Variants in CEP41 observed in about 807,000 individuals in gnomAD.
CEP41 encodes centrosomal protein of 41 kDa.
Under a neutral mutation model 44.3 loss-of-function variants are expected in CEP41, and 32 were observed. The ratio of observed to expected loss-of-function variants is 0.72; its 90% CI spans 0.54 to 0.97. The LOEUF (loss-of-function observed/expected upper bound fraction) is 0.97, where lower values mean the gene tolerates loss of function less well. Ranked by LOEUF, CEP41 falls within the 50% of genes least tolerant of loss-of-function variation. CEP41 has a pLI of 0.00. For missense variants in CEP41, 432 were observed against 455.2 expected, an observed-to-expected ratio of 0.95 and a Z score of 0.46; for synonymous variants, 151 against 168.5, an observed-to-expected ratio of 0.90 and a Z score of 0.80.
chr7:130,395,728 G>A lies in CEP41; in HGVS notation c.*3163C>T, dbSNP rs1554414211. 4.4e-6 allele frequency: 2 copies of A among 453,564 alleles called. No individual in the cohort carries two copies. The highest frequency in any genetic ancestry group is 2.4e-5 in the Admixed American group (1 of 42,490). 28.1% of individuals were successfully genotyped at this position (453,564 alleles called of 1,614,324 possible). A position where few individuals can be genotyped will look rare whatever the true frequency, so the allele number is the denominator to read the frequency against. On this transcript the variant is annotated 3_prime_UTR_variant, in exon 11 of 11. Coordinates refer to ENST00000223208, the MANE Select transcript of CEP41 (RefSeq NM_018718.3). ...TTTGTTTTGTTCTGTTTTCTTGGTC[G>A]AGTAGCCTAAAGTCTTAAGAATTTT...
At chr7:130,436,926 C>A (rs1562999583) in intron 1 of CEP41, among the ~76,000 whole-genome samples, 1 of 152,128 alleles carries the variant, frequency 6.6e-6, no homozygotes, top group Non-Finnish European at 1.5e-5. Context: ...GTAATCCCAG[C>A]TACTTGGGAA....
chr7:130,416,841 C>T (rs1584888655), intron 3 of CEP41, 78 bp downstream of exon 3: 1 of 1,112,246 alleles, frequency 9.0e-7, no homozygotes, highest in East Asian at 2.3e-5. Flanking sequence ...ACCTGTGGAA[C>T]ACAATTGTTA....
rs1796971609 is a variant in CEP41, at chr7:130,405,126, CACTT to C, written c.278-422_278-419del. Among the ~76,000 whole-genome samples, 3 of 152,162 alleles carry C rather than the reference CACTT, an allele frequency of 2.0e-5. No homozygotes were observed. The South Asian group carries it at 6.2e-4, about 32-fold the overall frequency. On this transcript the variant is annotated intron_variant, in intron 5 of 10. Transcript: ENST00000223208. ...AAGAAGGTCCCTGTTAAAGCAGTAA[CACTT>C]ACTATTCTTATTACATCTCACCTTG...
intron 8 of CEP41, chr7:130,401,229 G>C (rs1411227381): frequency 4.7e-6 from 1 of 214,130 alleles, no homozygotes; most frequent in Non-Finnish European, 9.5e-6. Flanking sequence ...CAAAATAAAG[G>C]AATATTTTAG....
In CEP41 at chr7:130,397,857, C is replaced by A. The variant is rs781969630; in HGVS notation, c.*1034G>T. 2.2e-6 allele frequency: 1 copy of A among 450,938 alleles called. No individual in the cohort carries two copies. Among genetic ancestry groups the A allele is most frequent in the South Asian group, 1.6e-5 (1 of 64,394 alleles). 27.9% of individuals were successfully genotyped at this position (450,938 alleles called of 1,614,324 possible). On this transcript the variant is annotated 3_prime_UTR_variant, in exon 11 of 11. Coordinates refer to ENST00000223208, the MANE Select transcript of CEP41 (RefSeq NM_018718.3). ...ATCTATAATCACAACTTCCTAATCA[C>A]AGTTCAGTCATGAGAATGAAAAGTA...
rs1554413492 is a variant in CEP41 at position 130,394,099 on chromosome 7, C to T, written c.*4792G>A. 6.6e-6 allele frequency: 3 copies of T among 453,990 alleles called. No homozygotes were observed. The highest frequency in any genetic ancestry group is 8.8e-6 in the Non-Finnish European group (2 of 226,786). 28.1% of individuals were successfully genotyped at this position (453,990 alleles called of 1,614,324 possible). ...ACTAGGAGGGAAGGGAAGCCAATAG[C>T]GAAGGGAAAGGTACATTTTCACGGT... On this transcript the variant is annotated 3_prime_UTR_variant, in exon 11 of 11. Coordinates refer to ENST00000223208, the MANE Select transcript of CEP41 (RefSeq NM_018718.3).
intron 2 of CEP41, chr7:130,420,151 G>A (rs1554421857): frequency 6.7e-6 from 5 of 744,990 alleles, no homozygotes; most frequent in African/African-American, 1.9e-5. Flanking sequence ...GTGAGACCTC[G>A]TCTCTACAAA....
rs1554417870 is a variant in CEP41, at chr7:130,404,708, T to C, written c.278A>G (p.Asp93Gly). Residue 93 changes from aspartate to glycine, a missense_variant and splice_region_variant, in exon 6 of 11, where the codon GAC (aspartate) becomes GGC (glycine). Transcript: ENST00000223208. ...AGGGTCTGAAGCTGCAGAATCATTG[T>C]CTAATATTTACAAATGAAGAAATAA... ...VTAEEIQRLE[D>G]NDSAASDPDA... The C allele has an allele frequency of 1.2e-6, 2 of 1,606,404 alleles. No homozygotes were observed. The highest frequency in any genetic ancestry group is 3.3e-5 in the Admixed American group (2 of 60,004).
intron 5 of CEP41, among the ~76,000 whole-genome samples, chr7:130,410,222 T>G (rs1797139843): frequency 6.6e-6 from 1 of 151,858 alleles, no homozygotes; most frequent in African/African-American, 2.4e-5. Flanking sequence ...AGAGACAGGG[T>G]TTCACCATGT....
intron 1 of CEP41, among the ~76,000 whole-genome samples, chr7:130,435,594 G>A (rs772385620): frequency 3.3e-5 from 5 of 152,126 alleles, no homozygotes; most frequent in Non-Finnish European, 5.9e-5. Context: ...AGTGTTGAAC[G>A]TTGCCAAGAG....
upstream of CEP41, chr7:130,441,308 C>T (rs1452151235): frequency 1.3e-5 from 6 of 464,494 alleles, no homozygotes; most frequent in South Asian, 6.1e-5. Context: ...GGGGCAGTGG[C>T]TTGAGAGCCG....
chr7:130,396,144 T>C lies in CEP41; in HGVS notation c.*2747A>G. 2.2e-6 allele frequency: 1 copy of C among 454,038 alleles called. No individual in the cohort carries two copies. The highest frequency in any genetic ancestry group is 4.4e-6 in the Non-Finnish European group (1 of 226,770). The allele number at this position is 454,038 out of a possible 1,614,324, so 28.1% of individuals were successfully genotyped here. On this transcript the variant is annotated 3_prime_UTR_variant, in exon 11 of 11. Coordinates refer to ENST00000223208, the MANE Select transcript of CEP41 (RefSeq NM_018718.3). ...CTTAAACACAAACCCCTTTAAAGCA[T>C]TTAAGGTATTATTTAAACTTTGGCC...
chr7:130,394,216 C>A lies in CEP41; in HGVS notation c.*4675G>T, dbSNP rs1408243461. 4.4e-6 allele frequency: 2 copies of A among 454,024 alleles called. No individual in the cohort carries two copies. Among genetic ancestry groups the A allele is most frequent in the African/African-American group, 2.0e-5 (1 of 50,086 alleles). 28.1% of individuals were successfully genotyped at this position (454,024 alleles called of 1,614,324 possible). A position where few individuals can be genotyped will look rare whatever the true frequency, so the allele number is the denominator to read the frequency against. On this transcript the variant is annotated 3_prime_UTR_variant, in exon 11 of 11. Transcript: ENST00000223208. ...TGGCTGAAAGAACACCCTCTGGAGC[C>A]ACAGTTCTCAGGCTGGCTCCTGGCT...
chr7:130,421,774 T>G, intron 2 of CEP41: 1 of 1,244,328 alleles, frequency 8.0e-7, no homozygotes, highest in Non-Finnish European at 1.0e-6. Context: ...GGGAGGACAA[T>G]GCAGCCAATG....
At chr7:130,402,343 CA>C (rs150874127) in intron 7 of CEP41, among the ~76,000 whole-genome samples, 10 of 76,664 alleles carry the variant, frequency 1.3e-4, no homozygotes, top group Admixed American at 4.2e-4. Context: ...AAGGTATTAA[CA>C]AAAAAAAAAC....
chr7:130,401,515 T>C (rs1407889116), intron 8 of CEP41, among the ~76,000 whole-genome samples: 1 of 152,202 alleles, frequency 6.6e-6, no homozygotes, highest in Non-Finnish European at 1.5e-5. Flanking sequence ...ATTTAAATTA[T>C]TTTCTGCTTG....
chr7:130,403,626 G>A (rs1458913740), intron 6 of CEP41, among the ~76,000 whole-genome samples: 1 of 152,198 alleles, frequency 6.6e-6, no homozygotes, highest in Admixed American at 6.5e-5. Context: ...AGACTCATAT[G>A]CTAAATCACA....
intron 1 of CEP41, 121 bp from the exon 2 acceptor site, chr7:130,428,139 T>C (rs1205400048): frequency 4.1e-6 from 3 of 734,490 alleles, no homozygotes; most frequent in Non-Finnish European, 7.1e-6. Context: ...AAATTAAAGA[T>C]GGTGCCGGGC....
chr7:130,425,875 T>C (rs1206335450), intron 2 of CEP41, among the ~76,000 whole-genome samples: 1 of 152,182 alleles, frequency 6.6e-6, no homozygotes, highest in Non-Finnish European at 1.5e-5. Context: ...AAAATTATGC[T>C]AAGTGAAAAA....
Sources: allele counts gnomAD v4.1 joint callset (sites outside exome capture counted in the v4.1 genomes callset), GRCh38; gene constraint gnomAD v4.1.1; transcripts MANE v1.5; gene names NCBI Gene and HGNC (gene_info 2026-07-23, HGNC 2026-07-21).